Variants in UNC79 observed in about 807,000 individuals in gnomAD.
UNC79 encodes the protein protein unc-79 homolog.
Under a neutral mutation model 283.1 loss-of-function variants are expected in UNC79, and 37 were observed. The observed-to-expected ratio is 0.13, with a 90% CI of 0.10 to 0.17. The LOEUF (loss-of-function observed/expected upper bound fraction) is 0.17, where lower values mean the gene tolerates loss of function less well. UNC79 is among the 10% of genes least tolerant of loss of function. UNC79 has a pLI of 1.00. For missense variants in UNC79, 2,272 were observed against 3,211.1 expected, an observed-to-expected ratio of 0.71 and a Z score of 7.07; for synonymous variants, 1,107 against 1,200.2, an observed-to-expected ratio of 0.92 and a Z score of 1.61.
intron 4 of UNC79, among the ~76,000 whole-genome samples, chr14:93,485,858 G>A (rs1435644726): frequency 6.6e-6 from 1 of 152,076 alleles, no homozygotes; most frequent in Non-Finnish European, 1.5e-5. Flanking sequence ...GTTTATTTCT[G>A]TAAAATTGTT....
chr14:93,528,559 T>C, exon 9 of UNC79: 1 of 1,613,522 alleles, frequency 6.2e-7, no homozygotes, highest in Non-Finnish European at 8.5e-7. Context: ...ATGTTTCAGA[T>C]GTGTATAGAC....
intron 1 of UNC79, among the ~76,000 whole-genome samples, chr14:93,384,248 G>A (rs28850949): frequency 0.71 from 107,435 of 152,054 alleles, 38,430 homozygotes; most frequent in Middle Eastern, 0.78. Flanking sequence ...TGGTAGCTCT[G>A]TTTTTAGTTT....
At chr14:93,397,324 C>A (rs1019670885) in intron 1 of UNC79, 4 of 152,186 alleles carry the variant, frequency 2.6e-5, no homozygotes, top group Non-Finnish European at 5.9e-5. Flanking sequence ...AACTCCCTGT[C>A]AGGTAACATT....
Position 93,643,506 on chromosome 14 carries a change from G to A in UNC79, c.5904-51G>A, listed in dbSNP as rs775693877. On this transcript the variant is annotated intron_variant, in intron 33 of 48. Transcript: ENST00000555664. ...CCGTGTGTGTAGTATATTATATCTT[G>A]AGACCATGGTTCTTTCTTTCATGGA... is the stretch of plus-strand genomic sequence containing the variant. 3.7e-6 allele frequency: 6 copies of A among 1,612,724 alleles called. No homozygotes were observed. In the Admixed American group the frequency reaches 8.3e-5, roughly 22 times the overall value.
At chr14:93,604,848 C>G (rs769000385) in intron 26 of UNC79, 48 bp from the exon 27 acceptor site, 2 of 1,512,386 alleles carry the variant, frequency 1.3e-6, no homozygotes, top group African/African-American at 2.8e-5. Context: ...TTCTAGGCTC[C>G]AGTTGTCTGT....
In UNC79 at chr14:93,690,825, C is replaced by T. The variant is rs942970330; in HGVS notation, c.7272+522C>T. On this transcript the variant is annotated intron_variant, in intron 45 of 48. Transcript: ENST00000555664. This position sits in a 1 kb window ranked among gnomAD's most constrained non-coding sequence, Gnocchi z 4.3. ...GTAAATTGCAGAGACAGGTGATGTG[C>T]TAAAGGAAGAAAGTAGACCCAAGGC... The T allele has an allele frequency of 6.4e-6, 1 of 155,806 alleles. No individual in the cohort carries two copies. The highest frequency in any genetic ancestry group is 2.4e-5 in the African/African-American group (1 of 41,438). The allele number at this position is 155,806 out of a possible 1,614,324, so 9.7% of individuals were successfully genotyped here.
intron 1 of UNC79, among the ~76,000 whole-genome samples, chr14:93,340,441 CA>C (rs1193751068): frequency 0.14 from 9,198 of 64,380 alleles, 170 homozygotes; most frequent in Middle Eastern, 0.19. Context: ...AACGCTGTCT[CA>C]AAAAAAAAAA....
At chr14:93,681,612 G>T (rs1283978094) in intron 41 of UNC79, among the ~76,000 whole-genome samples, 2 of 152,174 alleles carry the variant, frequency 1.3e-5, no homozygotes, top group Non-Finnish European at 2.9e-5. Context: ...AGAACAAAAT[G>T]AATGAGAAGG....
intron 9 of UNC79, 98 bp downstream of exon 9, chr14:93,528,744 C>A: frequency 9.1e-7 from 1 of 1,104,738 alleles, no homozygotes; most frequent in Non-Finnish European, 1.3e-6. Flanking sequence ...TAAAGTTTCT[C>A]TCTAGCCTCT....
chr14:93,464,618 G>A (rs1240570208), intron 1 of UNC79: 1 of 456,144 alleles, frequency 2.2e-6, no homozygotes, highest in Non-Finnish European at 4.4e-6. Flanking sequence ...AAGGAAAGGG[G>A]TGGCCCCGGG....
At chr14:93,550,727 A>G (rs902264206) in intron 14 of UNC79, among the ~76,000 whole-genome samples, 4 of 152,226 alleles carry the variant, frequency 2.6e-5, no homozygotes, top group African/African-American at 9.6e-5. Flanking sequence ...AACAGCTTCA[A>G]TTTTGAGTTA....
intron 24 of UNC79, among the ~76,000 whole-genome samples, chr14:93,598,019 T>TAA (rs1297321458): frequency 1.3e-5 from 2 of 152,182 alleles, no homozygotes; most frequent in African/African-American, 4.8e-5. Context: ...ACTTTTTTTT[T>TAA]AAGACACAGT....
Position 93,396,855 on chromosome 14 carries a change from T to G in UNC79, c.-351+63332T>G, listed in dbSNP as rs116905997. ...AGCCAAGCAACTGACAGCTCTGTCT[T>G]GGCCCTCACTTTCTGCTTATGCAAT... On this transcript the variant is annotated intron_variant, in intron 1 of 49. Transcript: ENST00000256339. Among the ~76,000 whole-genome samples the G allele has an allele frequency of 2.0e-3, 301 of 150,990 alleles. 5 individuals carry two copies. The East Asian group carries it at 0.021, about 11-fold the overall frequency.
chr14:93,385,484 A>G (rs1330030723), intron 1 of UNC79, among the ~76,000 whole-genome samples: 6 of 152,178 alleles, frequency 3.9e-5, no homozygotes, highest in Admixed American at 3.9e-4. Flanking sequence ...TTGACATATA[A>G]AAATGCTGCT....
At position 93,621,438 on chromosome 14, in the gene UNC79, G is replaced by A. The variant is rs549351537; in HGVS notation, c.4388-183G>A. Among the ~76,000 whole-genome samples the A allele has an allele frequency of 9.7e-4, 148 of 152,272 alleles. No individual in the cohort carries two copies. Among genetic ancestry groups the A allele is most frequent in the Admixed American group, 3.4e-3 (52 of 15,294 alleles). ...ACTGCCATTTTGGTTTCTTTCATTC[G>A]TAAATTTTCCAGTTTTTGAAATTAG... On this transcript the variant is annotated intron_variant, in intron 29 of 48. Coordinates refer to ENST00000555664, the Ensembl canonical transcript of UNC79. This position sits in a 1 kb window ranked among gnomAD's most constrained non-coding sequence, Gnocchi z 4.8.
At position 93,456,040 on chromosome 14, in the gene UNC79, G is replaced by A. The variant is rs566604443; in HGVS notation, c.23-11631G>A. 9.9e-4 allele frequency among the ~76,000 whole-genome samples: 150 copies of A among 151,988 alleles called. 1 individual carries two copies. Among genetic ancestry groups the A allele is most frequent in the African/African-American group, 3.4e-3 (139 of 41,434 alleles). On this transcript the variant is annotated intron_variant, in intron 1 of 48. Transcript: ENST00000555664. The stretch of plus-strand genomic sequence containing the variant: ...GCAGAGAATTACAGATGTATGATGA[G>A]GTGAATGATGAAATACTTGGAAAAG...
chr14:93,521,611 C>T (rs2181387), intron 7 of UNC79, among the ~76,000 whole-genome samples: 129,787 of 151,540 alleles, frequency 0.86, 55,730 homozygotes, highest in East Asian at 0.93. Context: ...AGGATCACTG[C>T]CCTGTACTAC....
chr14:93,660,183 G>A (rs1417204986), intron 39 of UNC79, among the ~76,000 whole-genome samples: 1 of 152,134 alleles, frequency 6.6e-6, no homozygotes, highest in Non-Finnish European at 1.5e-5. Flanking sequence ...TTCTGCAACT[G>A]TTTAACTTGA....
At chr14:93,462,968 C>T (rs982179274) in intron 1 of UNC79, among the ~76,000 whole-genome samples, 4 of 152,034 alleles carry the variant, frequency 2.6e-5, no homozygotes, top group Admixed American at 2.6e-4. Flanking sequence ...AGCAGTTGGC[C>T]CCTGGATGCT....
Sources: gnomAD v4.1 joint callset for allele counts (sites outside exome capture counted in the v4.1 genomes callset) on GRCh38, gnomAD v4.1.1 for gene constraint, Gnocchi (gnomAD v3.1) non-coding constraint, MANE v1.5 for transcripts, NCBI Gene and HGNC (gene_info 2026-07-23, HGNC 2026-07-21) for gene names.